The following PPP2R2D variants were observed in gnomAD, a reference collection of about 807,000 sequenced individuals.
The protein encoded by PPP2R2D is serine/threonine-protein phosphatase 2A 55 kDa regulatory subunit B delta isoform.
In PPP2R2D, 9 loss-of-function variants were observed where a neutral mutation model predicts 31.1. The observed-to-expected ratio is 0.29, with a 90% CI of 0.17 to 0.51. The LOEUF (loss-of-function observed/expected upper bound fraction) is 0.51. PPP2R2D is among the 20% of genes least tolerant of loss of function. The pLI is 0.98. For synonymous variants in PPP2R2D, 179 were observed against 172.6 expected (o/e 1.04, Z -0.29); for missense variants, 391 against 465.6 (o/e 0.84, Z 1.48).
chr10:131,960,258 C>A (rs1169143423), downstream of PPP2R2D, among the ~76,000 whole-genome samples: 1 of 152,208 alleles, frequency 6.6e-6, no homozygotes, highest in Non-Finnish European at 1.5e-5. Flanking sequence ...CTCTTTCCTG[C>A]TTAAAGTAGA....
intron 2 of PPP2R2D, among the ~76,000 whole-genome samples, chr10:131,916,942 G>A (rs2035806339): frequency 6.7e-6 from 1 of 149,548 alleles, no homozygotes; most frequent in South Asian, 2.1e-4. Flanking sequence ...GAATGACACA[G>A]CGTTTGTAGG....
At chr10:131,924,805 CT>C (rs1285235803) in intron 2 of PPP2R2D, among the ~76,000 whole-genome samples, 1 of 149,374 alleles carries the variant, frequency 6.7e-6, no homozygotes, top group Non-Finnish European at 1.5e-5. Context: ...GGATAACTTT[CT>C]GTATATTCAG....
downstream of PPP2R2D, among the ~76,000 whole-genome samples, chr10:131,963,842 C>A (rs1257568426): frequency 6.6e-6 from 1 of 152,196 alleles, no homozygotes; most frequent in Non-Finnish European, 1.5e-5. Flanking sequence ...AATGGTGTGT[C>A]CTGCAGCCTC....
intron 2 of PPP2R2D, among the ~76,000 whole-genome samples, chr10:131,904,987 C>CTTTTTTT (rs1421317858): frequency 6.7e-6 from 1 of 148,730 alleles, no homozygotes. Context: ...CCCCACCCCC[C>CTTTTTTT]TTTTTTTTTT....
intron 2 of PPP2R2D, among the ~76,000 whole-genome samples, chr10:131,925,339 G>A (rs1207726199): frequency 6.6e-6 from 1 of 152,160 alleles, no homozygotes; most frequent in Non-Finnish European, 1.5e-5. Context: ...AGTTGGTTGA[G>A]TGTTTTTATC....
At chr10:131,936,753 A>G (rs1037341597) in intron 3 of PPP2R2D, among the ~76,000 whole-genome samples, 1 of 152,258 alleles carries the variant, frequency 6.6e-6, no homozygotes, top group Non-Finnish European at 1.5e-5. Flanking sequence ...TGAGTGACAG[A>G]TTTATACAGG....
chr10:131,923,999 G>A (rs1471758956), intron 2 of PPP2R2D, among the ~76,000 whole-genome samples: 1 of 152,166 alleles, frequency 6.6e-6, no homozygotes, highest in African/African-American at 2.4e-5. Context: ...GGGTTACAGT[G>A]TTAGCCACCG....
intron 3 of PPP2R2D, 102 bp downstream of exon 3, chr10:131,934,657 T>G: frequency 1.4e-6 from 1 of 703,678 alleles, no homozygotes; most frequent in East Asian, 2.5e-5. Flanking sequence ...CTCATTTCAT[T>G]AAGATTCAGT....
chr10:131,935,554 A>T (rs2036323388), intron 3 of PPP2R2D, among the ~76,000 whole-genome samples: 3 of 152,350 alleles, frequency 2.0e-5, no homozygotes, highest in Middle Eastern at 6.8e-3. Flanking sequence ...GACAGGTGCT[A>T]ACCAATTTCA....
the PPP2R2D span, chr10:131,970,804 C>T: frequency 1.1e-5 from 18 of 1,614,208 alleles, no homozygotes; most frequent in East Asian, 2.5e-4. This position sits in a 1 kb window ranked among gnomAD's most constrained non-coding sequence, Gnocchi z 4.1. Flanking sequence ...CGGGAAGAAA[C>T]GTGTCAGCTG....
rs890073379 is a variant in PPP2R2D, at chr10:131,902,845, T to C, written c.100+1515T>C. Among the ~76,000 whole-genome samples, 401 of 152,250 alleles carry C rather than the reference T, an allele frequency of 2.6e-3. 2 individuals carry two copies. Among genetic ancestry groups the C allele is most frequent in the African/African-American group, 9.5e-3 (395 of 41,548 alleles). ...TGGGCTCACTGCAACCTCTGCCTCCTAGGCTCAAGCGATTCGCCCACCTCA... is the reference window on the plus strand; with the variant it reads ...TGGGCTCACTGCAACCTCTGCCTCCCAGGCTCAAGCGATTCGCCCACCTCA... On this transcript the variant is annotated intron_variant, in intron 2 of 8. Transcript: ENST00000455566.
intron 2 of PPP2R2D, among the ~76,000 whole-genome samples, chr10:131,906,880 G>A (rs1372930668): frequency 6.6e-6 from 1 of 151,832 alleles, no homozygotes; most frequent in Non-Finnish European, 1.5e-5. Flanking sequence ...GGTTGAGGCT[G>A]CAATGAGCTA....
At chr10:131,913,327 A>G (rs951111223) in intron 2 of PPP2R2D, among the ~76,000 whole-genome samples, 4 of 151,752 alleles carry the variant, frequency 2.6e-5, no homozygotes, top group African/African-American at 7.3e-5. Flanking sequence ...CACCGCACCC[A>G]GCTTGTAAAA....
chr10:131,934,758 T>C, intron 3 of PPP2R2D: 1 of 586,332 alleles, frequency 1.7e-6, no homozygotes. Flanking sequence ...CCAAGGCCTT[T>C]GTCTTCAGAG....
At chr10:131,934,596 A>G (rs1554896196) in intron 3 of PPP2R2D, 41 bp downstream of exon 3, 4 of 764,858 alleles carry the variant, frequency 5.2e-6, no homozygotes, top group East Asian at 4.9e-5. Flanking sequence ...CAATTATTCA[A>G]CCTTTCGCAT....
chr10:131,938,917 C>T (rs1480031555), intron 3 of PPP2R2D, among the ~76,000 whole-genome samples: 2 of 152,252 alleles, frequency 1.3e-5, no homozygotes, highest in Non-Finnish European at 2.9e-5. Context: ...TCAGCAGACA[C>T]TTTCTCTCCA....
intron 2 of PPP2R2D, among the ~76,000 whole-genome samples, chr10:131,903,000 CG>C (rs2035526049): frequency 6.6e-6 from 1 of 151,986 alleles, no homozygotes. Context: ...GGTCTGCCCA[CG>C]TCAGTCTCCC....
At chr10:131,954,517 G>C (rs2036755395) in intron 8 of PPP2R2D, among the ~76,000 whole-genome samples, 1 of 152,220 alleles carries the variant, frequency 6.6e-6, no homozygotes, top group African/African-American at 2.4e-5. Context: ...GCTGGAGGGC[G>C]CTGGGCACAC....
At chr10:131,966,041 G>A in the PPP2R2D span, among the ~76,000 whole-genome samples, 2 of 152,192 alleles carry the variant, frequency 1.3e-5, no homozygotes, top group African/African-American at 4.8e-5. Flanking sequence ...TTGTGCATGT[G>A]CATGTAGAAG....
Sources: gnomAD v4.1 joint callset for allele counts (sites outside exome capture counted in the v4.1 genomes callset) on GRCh38, gnomAD v4.1.1 for gene constraint, Gnocchi (gnomAD v3.1) non-coding constraint, MANE v1.5 for transcripts, NCBI Gene and HGNC (gene_info 2026-07-23, HGNC 2026-07-21) for gene names.